Variants in TMPRSS5 observed in about 807,000 individuals in gnomAD.
The protein encoded by TMPRSS5 is transmembrane protease serine 5.
Under a neutral mutation model 59.7 loss-of-function variants are expected in TMPRSS5, and 45 were observed. That is an observed-to-expected ratio of 0.75 (90% CI 0.59 to 0.97). The LOEUF (loss-of-function observed/expected upper bound fraction) is 0.97. Ranked by LOEUF, TMPRSS5 falls within the 50% of genes least tolerant of loss-of-function variation. TMPRSS5 has a pLI of 0.00. For synonymous variants in TMPRSS5, 225 were observed against 232.0 expected, an observed-to-expected ratio of 0.97 and a Z score of 0.27; for missense variants, 585 against 596.7, an observed-to-expected ratio of 0.98 and a Z score of 0.20.
At chr11:113,690,531 A>G (rs903010977) in intron 10 of TMPRSS5, among the ~76,000 whole-genome samples, 158 bp from the exon 11 acceptor site, 2 of 152,098 alleles carry the variant, frequency 1.3e-5, no homozygotes, top group African/African-American at 2.4e-5. Flanking sequence ...GCAGTAGGCT[A>G]TCGGACTTGG....
chr11:113,697,321 G>A lies in TMPRSS5; in HGVS notation c.426C>T (p.Ala142=). 6.2e-7 allele frequency: 1 copy of A among 1,613,504 alleles called. No individual in the cohort carries two copies. Residue 142 remains alanine (A), a synonymous_variant, in exon 5 of 13, where the codon GCC becomes GCT. Transcript: ENST00000299882. ...LLVCHEGWSP[A]LGLQICWSLG... The stretch of plus-strand genomic sequence containing the variant: ...GGCTCCAGCAGATCTGCAGCCCCAG[G>A]GCGGGGCTCCAGCCCTCATGGCAGA...
At chr11:113,688,301 T>A (rs762059885) in intron 12 of TMPRSS5, 27 bp from the exon 13 acceptor site, 4 of 1,508,306 alleles carry the variant, frequency 2.7e-6, no homozygotes, top group South Asian at 1.2e-5. Context: ...AGGAACTGAT[T>A]CACAGCATGG....
chr11:113,701,204 A>G (rs1199603809), intron 1 of TMPRSS5, among the ~76,000 whole-genome samples: 1 of 152,230 alleles, frequency 6.6e-6, no homozygotes, highest in Admixed American at 6.5e-5. Flanking sequence ...TGTGGAAGTG[A>G]CTTTGGAATT....
At chr11:113,697,707 T>A (rs1449302901) in intron 4 of TMPRSS5, among the ~76,000 whole-genome samples, 1 of 152,224 alleles carries the variant, frequency 6.6e-6, no homozygotes, top group African/African-American at 2.4e-5. Context: ...CTCTCCATTC[T>A]GCAGAAGGAG....
rs1953022803 is a variant in TMPRSS5 at position 113,699,207 on chromosome 11, GTCTGTCTCTCTCTCTCTCTC to G, written c.206-200_206-181del. ...CTGCCTCTTTGACTCTCCTTTGTCT[GTCTGTCTCTCTCTCTCTCTC>G]TCTCTCTCTCTCTCTCTCTCTCTCT... On this transcript the variant is annotated intron_variant, in intron 3 of 12. Transcript: ENST00000299882. 1.9e-4 allele frequency among the ~76,000 whole-genome samples: 9 copies of G among 46,364 alleles called. 1 individual carries two copies. The highest frequency in any genetic ancestry group is 1.3e-3 in the Admixed American group (6 of 4,640). The allele number at this position is 46,364 out of a possible 152,430, so 30.4% of individuals were successfully genotyped here.
At chr11:113,690,512 A>T in intron 10 of TMPRSS5, 139 bp from the exon 11 acceptor site, 1 of 1,314,198 alleles carries the variant, frequency 7.6e-7, no homozygotes. Flanking sequence ...GTGGACGCTG[A>T]GCAAGGAAGC....
chr11:113,701,779 C>CT (rs5794877), intron 1 of TMPRSS5, among the ~76,000 whole-genome samples: 6 of 150,954 alleles, frequency 4.0e-5, no homozygotes, highest in Non-Finnish European at 8.9e-5. Flanking sequence ...TATAGTCTTT[C>CT]TTTTTTTTTT....
chr11:113,695,372 A>ACCT (rs767914914), intron 7 of TMPRSS5, 28 bp downstream of exon 7: 1 of 1,613,146 alleles, frequency 6.2e-7, no homozygotes, highest in East Asian at 2.2e-5. Flanking sequence ...TCTCACCGCC[A>ACCT]CCTCCCCTAG....
intron 11 of TMPRSS5, 47 bp downstream of exon 11, chr11:113,690,184 A>G: frequency 4.3e-5 from 9 of 210,022 alleles, no homozygotes; most frequent in Non-Finnish European, 6.0e-5. Context: ...CTGCCCTCCC[A>G]CCCCCACCTC....
intron 1 of TMPRSS5, 67 bp downstream of exon 1, chr11:113,706,155 C>G: frequency 6.4e-7 from 1 of 1,554,614 alleles, no homozygotes; most frequent in Non-Finnish European, 8.7e-7. Context: ...ATCCCAAGGG[C>G]AGAGGAGGGA....
Position 113,689,784 on chromosome 11 carries a change from C to T in TMPRSS5, c.1340G>A (p.Trp447Ter), listed in dbSNP as rs768546242. ...VYAKVAEFLD[W>*]IHDTAQDSLL ...ACTCACCTGAGCAGTGTCATGGATCCAGTCCAGAAACTCAGCTACCTTGGC... is the reference window on the plus strand; with the variant it reads ...ACTCACCTGAGCAGTGTCATGGATCTAGTCCAGAAACTCAGCTACCTTGGC... The change falls in exon 12 of 13, where the codon TGG becomes TAG. Residue 447 changes from tryptophan to a stop codon, truncating the protein, a stop_gained. Coordinates refer to ENST00000299882, the MANE Select transcript of TMPRSS5 (RefSeq NM_030770.4). LOFTEE classifies it high-confidence loss of function. 6.2e-7 allele frequency: 1 copy of T among 1,610,744 alleles called. No homozygotes were observed. The highest frequency in any genetic ancestry group is 2.2e-5 in the East Asian group (1 of 44,768).
intron 10 of TMPRSS5, 54 bp downstream of exon 10, chr11:113,690,787 G>A (rs1472948350): frequency 2.7e-6 from 4 of 1,489,606 alleles, no homozygotes; most frequent in Non-Finnish European, 3.7e-6. Flanking sequence ...TCACCCTGGG[G>A]AAGAATGCCT....
intron 4 of TMPRSS5, among the ~76,000 whole-genome samples, chr11:113,698,225 G>T (rs756179751): frequency 1.3e-5 from 2 of 150,330 alleles, no homozygotes; most frequent in Admixed American, 1.3e-4. Context: ...TAAACCACCC[G>T]GTCTGTGGTA....
chr11:113,694,406 T>C lies in TMPRSS5; in HGVS notation c.785+72A>G, dbSNP rs1392097556. 2.3e-5 allele frequency: 34 copies of C among 1,502,548 alleles called. 1 individual carries two copies. The highest frequency in any genetic ancestry group is 2.9e-5 in the Non-Finnish European group (32 of 1,107,766). The allele number at this position is 1,502,548 out of a possible 1,614,324, so 93.1% of individuals were successfully genotyped here. On this transcript the variant is annotated intron_variant, in intron 8 of 12. Coordinates refer to ENST00000299882, the MANE Select transcript of TMPRSS5 (RefSeq NM_030770.4). ...GAGACAGTTGGACACGAACATTTGATACAGGACATACCAACAGCCGAACAG... is the reference window on the plus strand; with the variant it reads ...GAGACAGTTGGACACGAACATTTGACACAGGACATACCAACAGCCGAACAG...
chr11:113,699,565 CCA>C, intron 3 of TMPRSS5, 28 bp downstream of exon 3: 3 of 1,544,754 alleles, frequency 1.9e-6, no homozygotes, highest in Non-Finnish European at 2.6e-6. Flanking sequence ...CCAACCTCCC[CCA>C]CACCAGAGAA....
chr11:113,706,061 C>A (rs971108746), intron 1 of TMPRSS5, among the ~76,000 whole-genome samples, 161 bp downstream of exon 1: 1 of 152,126 alleles, frequency 6.6e-6, no homozygotes, highest in African/African-American at 2.4e-5. Flanking sequence ...GGGGAGGAAA[C>A]AGGAAATTGG....
chr11:113,699,567 A>T, intron 3 of TMPRSS5, 28 bp downstream of exon 3: 1 of 1,546,068 alleles, frequency 6.5e-7, no homozygotes, highest in Non-Finnish European at 8.8e-7. Flanking sequence ...AACCTCCCCC[A>T]CACCAGAGAA....
At chr11:113,694,721 A>C (rs1952880902) in intron 7 of TMPRSS5, 81 bp from the exon 8 acceptor site, 1 of 1,376,656 alleles carries the variant, frequency 7.3e-7, no homozygotes, top group African/African-American at 1.5e-5. Flanking sequence ...AGCGTGGCCC[A>C]GTGCTAAGCC....
chr11:113,693,176 G>C lies in TMPRSS5; in HGVS notation c.859C>G (p.Gln287Glu). The stretch of plus-strand genomic sequence containing the variant: ...ATAATCCTCTCCACCAGAGCCCCTT[G>C]GTGGGGCCTGACGGCACTGTGGCTG... Reference protein sequence around the residue: ...LVSHSAVRPHQGALVERIIPH... With the variant: ...LVSHSAVRPHEGALVERIIPH... Residue 287 changes from glutamine (Q) to glutamate (E), a missense_variant, in exon 9 of 13, where the codon CAA (glutamine) becomes GAA (glutamate). Transcript: ENST00000299882. The C allele has an allele frequency of 1.2e-6, 2 of 1,603,534 alleles. No individual in the cohort carries two copies. Among genetic ancestry groups the C allele is most frequent in the Non-Finnish European group, 1.7e-6 (2 of 1,175,258 alleles).
Sources: allele counts gnomAD v4.1 joint callset (sites outside exome capture counted in the v4.1 genomes callset), GRCh38; gene constraint gnomAD v4.1.1; transcripts MANE v1.5; gene names NCBI Gene and HGNC (gene_info 2026-07-23, HGNC 2026-07-21).